MALRD1: variants seen among roughly 807,000 people sequenced by gnomAD.
MALRD1 encodes MAM and LDL receptor class A domain containing 1, also known as MAM and LDL-receptor class A domain-containing protein 1.
MALRD1 carries 247 observed loss-of-function variants against 242.1 expected under a neutral mutation model. The ratio of observed to expected loss-of-function variants is 1.02; its 90% CI spans 0.92 to 1.13. The LOEUF (loss-of-function observed/expected upper bound fraction) is 1.13. MALRD1 is among the 50% of genes most tolerant of loss of function. MALRD1 has a pLI of 0.00. For synonymous variants in MALRD1, 995 were observed against 866.6 expected, an observed-to-expected ratio of 1.15 and a Z score of -2.60; for missense variants, 2,989 against 2,533.1, an observed-to-expected ratio of 1.18 and a Z score of -3.86.
chr10:19,365,789 C>T (rs1049658432), intron 26 of MALRD1, among the ~76,000 whole-genome samples: 12 of 151,490 alleles, frequency 7.9e-5, no homozygotes, highest in Admixed American at 4.0e-4. Flanking sequence ...GTATACAATA[C>T]GATGAATTCT....
intron 34 of MALRD1, among the ~76,000 whole-genome samples, chr10:19,606,589 G>A (rs1838638748): frequency 6.6e-6 from 1 of 152,058 alleles, no homozygotes; most frequent in Admixed American, 6.6e-5. Flanking sequence ...TGGTGCAGTA[G>A]GTTCATGCTT....
intron 28 of MALRD1, among the ~76,000 whole-genome samples, chr10:19,423,271 G>T (rs951066054): frequency 2.0e-5 from 3 of 151,730 alleles, no homozygotes; most frequent in Admixed American, 2.0e-4. Context: ...TGCTCAGTTT[G>T]ACTCTAAATT....
chr10:19,469,461 G>A (rs1411352534), intron 29 of MALRD1, among the ~76,000 whole-genome samples: 1 of 152,044 alleles, frequency 6.6e-6, no homozygotes, highest in African/African-American at 2.4e-5. Flanking sequence ...AAAATTGTAT[G>A]CTTGCTCTTT....
At chr10:19,239,141 C>G (rs568761741) in intron 18 of MALRD1, among the ~76,000 whole-genome samples, 1 of 151,694 alleles carries the variant, frequency 6.6e-6, no homozygotes, top group East Asian at 2.0e-4. Context: ...TCACGGCAAC[C>G]TCCATCTCCC....
intron 19 of MALRD1, among the ~76,000 whole-genome samples, chr10:19,260,817 AAC>A (rs1284635366): frequency 2.0e-5 from 3 of 152,186 alleles, no homozygotes; most frequent in Non-Finnish European, 2.9e-5. Context: ...AAAGTGGCAG[AAC>A]ACAGTCACTT....
chr10:19,323,437 A>G (rs1221402431), intron 21 of MALRD1, among the ~76,000 whole-genome samples: 2 of 152,180 alleles, frequency 1.3e-5, no homozygotes, highest in Non-Finnish European at 2.9e-5. Context: ...TTTTATACAC[A>G]TTGTACCAAT....
chr10:19,295,109 A>G (rs1233026948), intron 21 of MALRD1, among the ~76,000 whole-genome samples: 10 of 152,226 alleles, frequency 6.6e-5, no homozygotes, highest in South Asian at 2.1e-4. Flanking sequence ...ATTTTAATCA[A>G]TCTTCGTTGA....
At chr10:19,385,672 CA>C (rs1377961988) in intron 26 of MALRD1, among the ~76,000 whole-genome samples, 13 of 151,854 alleles carry the variant, frequency 8.6e-5, no homozygotes. Context: ...TTTATCTTTT[CA>C]AAAAATGAAC....
intron 2 of MALRD1, among the ~76,000 whole-genome samples, chr10:19,072,494 T>C (rs1445086572): frequency 6.6e-6 from 1 of 152,154 alleles, no homozygotes; most frequent in Non-Finnish European, 1.5e-5. Flanking sequence ...ACTCATAGGA[T>C]ATGCAAAATT....
chr10:19,580,047 G>A (rs1177019398), intron 33 of MALRD1, among the ~76,000 whole-genome samples: 17 of 152,244 alleles, frequency 1.1e-4, no homozygotes, highest in African/African-American at 2.9e-4. Context: ...CTATAGCACC[G>A]TATGGAAATG....
chr10:19,385,705 C>T (rs975955696), intron 26 of MALRD1, among the ~76,000 whole-genome samples: 2 of 151,896 alleles, frequency 1.3e-5, no homozygotes, highest in Non-Finnish European at 2.9e-5. Context: ...TTGACATTCT[C>T]TATGGTTTAT....
At chr10:19,720,130 A>G (rs1490530160) in intron 38 of MALRD1, among the ~76,000 whole-genome samples, 1 of 152,166 alleles carries the variant, frequency 6.6e-6, no homozygotes, top group Non-Finnish European at 1.5e-5. Flanking sequence ...ACTATAAATT[A>G]TAAGCTTGGT....
intron 21 of MALRD1, among the ~76,000 whole-genome samples, chr10:19,300,707 A>G (rs1841912488): frequency 6.6e-6 from 1 of 151,968 alleles, no homozygotes; most frequent in South Asian, 2.1e-4. Flanking sequence ...TCAAAAACCA[A>G]CTCAATGTGG....
intron 36 of MALRD1, among the ~76,000 whole-genome samples, chr10:19,682,396 C>T (rs1842409645): frequency 6.6e-6 from 1 of 152,256 alleles, no homozygotes; most frequent in South Asian, 2.1e-4. Flanking sequence ...TAGCAAAAGA[C>T]CTGTTAGAAT....
At chr10:19,128,512 A>T (rs956624909) in intron 8 of MALRD1, 125 bp downstream of exon 8, 1 of 559,184 alleles carries the variant, frequency 1.8e-6, no homozygotes, top group Admixed American at 4.4e-5. Context: ...TTTACTTGGT[A>T]TACTTTTAAA....
At chr10:19,115,412 G>A (rs1836836908) in intron 5 of MALRD1, among the ~76,000 whole-genome samples, 3 of 151,486 alleles carry the variant, frequency 2.0e-5, no homozygotes, top group African/African-American at 2.4e-5. Flanking sequence ...TATGTACCCC[G>A]AAGTTAAAAT....
chr10:19,401,650 CTT>C (rs1415309659), intron 28 of MALRD1, among the ~76,000 whole-genome samples: 3 of 151,808 alleles, frequency 2.0e-5, no homozygotes, highest in African/African-American at 4.8e-5. Flanking sequence ...GGTAAAATAA[CTT>C]TTGTAGAATT....
At position 19,636,981 on chromosome 10, in the gene MALRD1, A is replaced by G. The variant is rs560355178; in HGVS notation, c.6137+21058A>G. On this transcript the variant is annotated intron_variant, in intron 36 of 39. Coordinates refer to ENST00000454679, the MANE Select transcript of MALRD1 (RefSeq NM_001142308.3). Reference sequence around the variant, plus strand: ...TTTTGTCAATAAATTTTAAAACTATACAAAATTGGTAATTATCTGGAAATT... The same window carrying G: ...TTTTGTCAATAAATTTTAAAACTATGCAAAATTGGTAATTATCTGGAAATT... Among the ~76,000 whole-genome samples the G allele has an allele frequency of 2.0e-5, 3 of 152,122 alleles. No individual in the cohort carries two copies. In the South Asian group the frequency reaches 6.2e-4, roughly 32 times the overall value.
intron 34 of MALRD1, among the ~76,000 whole-genome samples, chr10:19,606,635 C>A (rs1408146660): frequency 1.3e-5 from 2 of 152,054 alleles, no homozygotes; most frequent in African/African-American, 4.8e-5. Context: ...CATCACAGTG[C>A]TAGACAGTAG....
Sources: allele counts gnomAD v4.1 joint callset (sites outside exome capture counted in the v4.1 genomes callset), GRCh38; gene constraint gnomAD v4.1.1; transcripts MANE v1.5; gene names NCBI Gene and HGNC (gene_info 2026-07-23, HGNC 2026-07-21).